PCYT1A: variants seen among roughly 807,000 people sequenced by gnomAD.
PCYT1A encodes the protein choline-phosphate cytidylyltransferase A.
PCYT1A carries 25 observed loss-of-function variants against 43.7 expected under a neutral mutation model. The observed-to-expected ratio is 0.57, with a 90% CI of 0.42 to 0.80. The LOEUF (loss-of-function observed/expected upper bound fraction) is 0.80, where lower values mean the gene tolerates loss of function less well. Among genes scored for constraint, PCYT1A ranks in the 30% least tolerant of loss-of-function variants. PCYT1A has a pLI of 0.00. For missense variants in PCYT1A, 421 were observed against 474.2 expected (o/e 0.89, Z 1.04); for synonymous variants, 172 against 170.7 (o/e 1.01, Z -0.06).
In PCYT1A at chr3:196,287,697, G is replaced by A. The variant is rs1725954799; in HGVS notation, c.-93C>T. The A allele has an allele frequency of 1.3e-5, 2 of 152,266 alleles. No individual in the cohort carries two copies. The highest frequency in any genetic ancestry group is 2.9e-5 in the Non-Finnish European group (2 of 68,112). The allele number at this position is 152,266 out of a possible 1,614,324, so 9.4% of individuals were successfully genotyped here. ...ACTGACTAGGGAAGTTGAGGAGGTT[G>A]CGGGGAGACGCCCGGGGAAGGCAGC... On this transcript the variant is annotated 5_prime_UTR_variant, in exon 1 of 9. Transcript: ENST00000431016.
chr3:196,242,335 A>C lies in PCYT1A; in HGVS notation c.565+227T>G. 1 of 666,604 alleles carries C rather than the reference A, an allele frequency of 1.5e-6. No homozygotes were observed. The highest frequency in any genetic ancestry group is 1.7e-5 in the South Asian group (1 of 59,834). The allele number at this position is 666,604 out of a possible 1,614,324, so 41.3% of individuals were successfully genotyped here. On this transcript the variant is annotated intron_variant, in intron 6 of 8. Transcript: ENST00000431016. The surrounding 1 kb of genome is among the most constrained non-coding windows in gnomAD (Gnocchi z 4.2). ...TATGAGAAAGGGTTTCCTGAAATTA[A>C]GAGAGATATCCAAAGTAGATGTTTA...
chr3:196,255,663 C>T (rs1032678882), intron 3 of PCYT1A, among the ~76,000 whole-genome samples: 2 of 152,120 alleles, frequency 1.3e-5, no homozygotes, highest in African/African-American at 4.8e-5. Context: ...CACCGCACTC[C>T]AGCCTGGTTG....
chr3:196,242,250 C>T lies in PCYT1A; in HGVS notation c.566-160G>A. 2 of 722,420 alleles carry T rather than the reference C, an allele frequency of 2.8e-6. No individual in the cohort carries two copies. The highest frequency in any genetic ancestry group is 2.4e-5 in the Admixed American group (1 of 41,148). 44.8% of individuals were successfully genotyped at this position (722,420 alleles called of 1,614,324 possible). A position where few individuals can be genotyped will look rare whatever the true frequency, so the allele number is the denominator to read the frequency against. On this transcript the variant is annotated intron_variant, in intron 6 of 8. Coordinates refer to ENST00000431016, the MANE Select transcript of PCYT1A (RefSeq NM_001312673.2). This position sits in a 1 kb window ranked among gnomAD's most constrained non-coding sequence, Gnocchi z 4.2. Reference sequence around the variant, plus strand: ...AAGATACTGATATACAGAAGGTAGACCGAATCAAAGGCCAGAGGTAAGGCA... The same window carrying T: ...AAGATACTGATATACAGAAGGTAGATCGAATCAAAGGCCAGAGGTAAGGCA...
At chr3:196,258,296 A>G (rs1023452790) in intron 2 of PCYT1A, among the ~76,000 whole-genome samples, 3 of 151,936 alleles carry the variant, frequency 2.0e-5, no homozygotes, top group Non-Finnish European at 2.9e-5. Context: ...AAAAAAAAAA[A>G]AAAAAGAGTT....
chr3:196,247,124 C>T lies in PCYT1A; in HGVS notation c.486+243G>A, dbSNP rs1724592851. On this transcript the variant is annotated intron_variant, in intron 5 of 8. Transcript: ENST00000431016. This position sits in a 1 kb window ranked among gnomAD's most constrained non-coding sequence, Gnocchi z 4.8. Reference sequence around the variant, plus strand: ...TGTAAAGCGGAAATGACAAACACACCACAGGATTGCTGTGGGCAGAAAATG... The same window carrying T: ...TGTAAAGCGGAAATGACAAACACACTACAGGATTGCTGTGGGCAGAAAATG... Among the ~76,000 whole-genome samples the T allele has an allele frequency of 6.6e-6, 1 of 152,152 alleles. No individual in the cohort carries two copies. Among genetic ancestry groups the T allele is most frequent in the Non-Finnish European group, 1.5e-5 (1 of 68,044 alleles).
At position 196,238,814 on chromosome 3, in the gene PCYT1A, G is replaced by C. The variant is rs147831015; in HGVS notation, c.978C>G (p.Arg326=). 3.2e-6 allele frequency: 5 copies of C among 1,574,032 alleles called. No homozygotes were observed. Among genetic ancestry groups the C allele is most frequent in the African/African-American group, 2.8e-5 (2 of 72,558 alleles). ...PKQSPSSSPT[R]ERSPSPSFRW... ...GGAAAGAGGGGGAGGGGGAGCGCTC[G>C]CGAGTAGGGCTGCTGCTGGGGCTCT... Residue 326 remains arginine, a synonymous_variant, in exon 9 of 9, where the codon CGC becomes CGG. Coordinates refer to ENST00000431016, the MANE Select transcript of PCYT1A (RefSeq NM_001312673.2).
intron 5 of PCYT1A, among the ~76,000 whole-genome samples, chr3:196,244,895 T>G (rs1219464166): frequency 6.6e-6 from 1 of 152,060 alleles, no homozygotes; most frequent in African/African-American, 2.4e-5. Flanking sequence ...GAAGGCAGCA[T>G]GCTCGTTAAG....
chr3:196,247,691 C>T lies in PCYT1A; in HGVS notation c.335-173G>A, dbSNP rs940631290. On this transcript the variant is annotated intron_variant, in intron 4 of 8. Transcript: ENST00000431016. The surrounding 1 kb of genome is among the most constrained non-coding windows in gnomAD (Gnocchi z 4.8). ...GGTGATAACGCTTTTCCTAATGCAG[C>T]GTATACCTTCAGGAGCAACACTCAC... 5 of 705,152 alleles carry T rather than the reference C, an allele frequency of 7.1e-6. No individual in the cohort carries two copies. The highest frequency in any genetic ancestry group is 5.2e-5 in the African/African-American group (3 of 57,256). The allele number at this position is 705,152 out of a possible 1,614,324, so 43.7% of individuals were successfully genotyped here.
At chr3:196,259,456 G>A (rs960550390) in intron 2 of PCYT1A, among the ~76,000 whole-genome samples, 8 of 152,168 alleles carry the variant, frequency 5.3e-5, no homozygotes, top group African/African-American at 1.4e-4. Context: ...GCTGAATCCA[G>A]AGACTGGGAA....
chr3:196,256,571 G>A (rs572762311), intron 3 of PCYT1A, among the ~76,000 whole-genome samples: 3 of 152,166 alleles, frequency 2.0e-5, no homozygotes, highest in South Asian at 2.1e-4. Flanking sequence ...ACAGGGTCTC[G>A]CTCTGTCACC....
rs190553041 is a variant in PCYT1A, at chr3:196,253,900, T to C, written c.217+3888A>G. On this transcript the variant is annotated intron_variant, in intron 3 of 8. Coordinates refer to ENST00000431016, the MANE Select transcript of PCYT1A (RefSeq NM_001312673.2). ...GTTATAGTATATATAATCATATTTA[T>C]ATAAATTATATACTTTTAATATAAT... Among the ~76,000 whole-genome samples, 469 of 150,404 alleles carry C rather than the reference T, an allele frequency of 3.1e-3. 1 individual carries two copies. Among genetic ancestry groups the C allele is most frequent in the Non-Finnish European group, 5.2e-3 (351 of 67,654 alleles).
At chr3:196,259,241 CT>C (rs1165593195) in intron 2 of PCYT1A, among the ~76,000 whole-genome samples, 2 of 151,882 alleles carry the variant, frequency 1.3e-5, no homozygotes, top group South Asian at 2.1e-4. Flanking sequence ...TGACTAATTC[CT>C]TTTTTTTCTT....
At chr3:196,244,076 C>T (rs138578509) in intron 5 of PCYT1A, among the ~76,000 whole-genome samples, 32,835 of 145,788 alleles carry the variant, frequency 0.23, 1,233 homozygotes, top group East Asian at 0.54. Context: ...CGCCCATCGT[C>T]TGAGATGTGG....
rs1237472947 is a variant in PCYT1A at position 196,234,901 on chromosome 3, T to C, written c.*3787A>G. On this transcript the variant is annotated 3_prime_UTR_variant, in exon 9 of 9. Transcript: ENST00000431016. ...AACAAGAACAATCATTGTTATGACT[T>C]TGAAAAATAGAACCTTTAAAAATAC... 1 of 152,176 alleles carries C rather than the reference T, an allele frequency of 6.6e-6. No individual in the cohort carries two copies. Among genetic ancestry groups the C allele is most frequent in the Non-Finnish European group, 1.5e-5 (1 of 68,022 alleles). 9.4% of individuals were successfully genotyped at this position (152,176 alleles called of 1,614,324 possible). A position where few individuals can be genotyped will look rare whatever the true frequency, so the allele number is the denominator to read the frequency against.
rs1724991719 is a variant in PCYT1A, at chr3:196,257,790, G to A, written c.215C>T (p.Pro72Leu). 3 of 1,559,106 alleles carry A rather than the reference G, an allele frequency of 1.9e-6. No homozygotes were observed. Among genetic ancestry groups the A allele is most frequent in the East Asian group, 2.2e-5 (1 of 44,572 alleles). ...AAATTAAGAAGGTATTTACTTACAAGGAGTTCCTCTGCTGGCTTCTTCCAT... is the reference window on the plus strand; with the variant it reads ...AAATTAAGAAGGTATTTACTTACAAAGAGTTCCTCTGCTGGCTTCTTCCAT... ...VTMEEASRGT[P>L]CERPVRVYAD... Residue 72 changes from proline (P) to leucine (L), a missense_variant and splice_region_variant, in exon 3 of 9, where the codon CCT becomes CTT. Transcript: ENST00000431016.
At position 196,238,705 on chromosome 3, in the gene PCYT1A, C is replaced by T; in HGVS notation, c.1087G>A (p.Glu363Lys). The T allele has an allele frequency of 6.4e-7, 1 of 1,563,410 alleles. No individual in the cohort carries two copies. Among genetic ancestry groups the T allele is most frequent in the Non-Finnish European group, 8.7e-7 (1 of 1,155,868 alleles). ...RHKAAAYDIS[E>K]DEED ...AGGAAACATTAGTCTTCTTCATCCT[C>T]ACTGATATCATAGGCTGCAGCCTTG... The change falls in exon 9 of 9, where the codon GAG (glutamate) becomes AAG (lysine). Residue 363 changes from glutamate (E) to lysine (K), a missense_variant. Physicochemically the swap from Glu to Lys is moderately conservative, Grantham distance 56. Coordinates refer to ENST00000431016, the MANE Select transcript of PCYT1A (RefSeq NM_001312673.2).
At position 196,282,242 on chromosome 3, in the gene PCYT1A, C is replaced by T. The variant is rs1234133534; in HGVS notation, c.-11+5373G>A. On this transcript the variant is annotated intron_variant, in intron 1 of 8. Coordinates refer to ENST00000431016, the MANE Select transcript of PCYT1A (RefSeq NM_001312673.2). This position sits in a 1 kb window ranked among gnomAD's most constrained non-coding sequence, Gnocchi z 4.3. ...ATAATAAAGCTTATACTTCTTCGGC[C>T]TGGACATGTAGTAGAATATTTCAGG... 6.6e-6 allele frequency among the ~76,000 whole-genome samples: 1 copy of T among 152,182 alleles called. No homozygotes were observed. Among genetic ancestry groups the T allele is most frequent in the Non-Finnish European group, 1.5e-5 (1 of 68,030 alleles).
At chr3:196,239,023 G>A (rs551862331) in intron 8 of PCYT1A, 129 bp from the exon 9 acceptor site, 37 of 470,952 alleles carry the variant, frequency 7.9e-5, no homozygotes, top group South Asian at 2.3e-4. Flanking sequence ...GTCATCACCC[G>A]GGAAATTCCC....
chr3:196,286,565 C>T (rs1725919294), intron 1 of PCYT1A, among the ~76,000 whole-genome samples: 1 of 152,220 alleles, frequency 6.6e-6, no homozygotes, highest in South Asian at 2.1e-4. Flanking sequence ...ACAATACTTA[C>T]CCTTACTATG....
Sources: allele counts gnomAD v4.1 joint callset (sites outside exome capture counted in the v4.1 genomes callset), GRCh38; gene constraint gnomAD v4.1.1; non-coding constraint Gnocchi (gnomAD v3.1); transcripts MANE v1.5; gene names NCBI Gene and HGNC (gene_info 2026-07-23, HGNC 2026-07-21).